STX18: variants seen among roughly 807,000 people sequenced by gnomAD.
The protein encoded by STX18 is syntaxin 18.
Under a neutral mutation model 50.1 loss-of-function variants are expected in STX18, and 40 were observed. The ratio of observed to expected loss-of-function variants is 0.80; its 90% confidence interval spans 0.62 to 1.04. The LOEUF is 1.04. STX18 is among the 50% of genes least tolerant of loss of function. STX18 has a pLI of 0.00. For synonymous variants in STX18, 158 were observed against 151.8 expected (o/e 1.04, Z -0.30); for missense variants, 410 against 415.8 (o/e 0.99, Z 0.12).
chr4:4,519,398 T>C (rs1730418108), intron 1 of STX18, among the ~76,000 whole-genome samples: 1 of 152,090 alleles, frequency 6.6e-6, no homozygotes, highest in Non-Finnish European at 1.5e-5. Context: ...CTAAAGCTAC[T>C]AACATTTTTG....
At chr4:4,428,216 C>T (rs1725350027) in intron 7 of STX18, among the ~76,000 whole-genome samples, 1 of 152,194 alleles carries the variant, frequency 6.6e-6, no homozygotes. Flanking sequence ...GTTCTGGGGG[C>T]CTTATAGGAA....
intron 7 of STX18, among the ~76,000 whole-genome samples, chr4:4,430,672 C>T (rs1243819114): frequency 6.6e-6 from 1 of 152,144 alleles, no homozygotes; most frequent in Non-Finnish European, 1.5e-5. Context: ...GGAGAGGAGC[C>T]GTACTCTGAC....
At chr4:4,464,066 T>G (rs1727507093) in intron 2 of STX18, among the ~76,000 whole-genome samples, 1 of 152,220 alleles carries the variant, frequency 6.6e-6, no homozygotes, top group Admixed American at 6.5e-5. Flanking sequence ...ATTCTCTATC[T>G]TTGTGACAGG....
Position 4,499,850 on chromosome 4 carries a change from C to T in STX18, c.169-28144G>A, listed in dbSNP as rs545644183. ...ATGTGCGTTCAGTGGGGGGAAATGG[C>T]TTTTCAAATCGACTTTTTTTTTTTC... On this transcript the variant is annotated intron_variant, in intron 1 of 10. Coordinates refer to ENST00000306200, the MANE Select transcript of STX18 (RefSeq NM_016930.4). Among the ~76,000 whole-genome samples the T allele has an allele frequency of 1.6e-3, 238 of 148,242 alleles. 1 individual carries two copies. The highest frequency in any genetic ancestry group is 6.9e-3 in the Middle Eastern group (2 of 288).
At chr4:4,434,700 G>A (rs1468438015) in intron 7 of STX18, 70 bp downstream of exon 7, 2 of 1,314,812 alleles carry the variant, frequency 1.5e-6, no homozygotes, top group African/African-American at 3.0e-5. Flanking sequence ...TTGAGGATGA[G>A]TTTCTCCTTA....
intron 5 of STX18, among the ~76,000 whole-genome samples, chr4:4,444,702 GTTC>G (rs1726297256): frequency 6.6e-6 from 1 of 152,156 alleles, no homozygotes; most frequent in African/African-American, 2.4e-5. Flanking sequence ...AGTTCCATGA[GTTC>G]TTCTAGCAAA....
chr4:4,533,228 T>C (rs1731180057), intron 1 of STX18, among the ~76,000 whole-genome samples: 1 of 152,192 alleles, frequency 6.6e-6, no homozygotes, highest in African/African-American at 2.4e-5. Context: ...TTTAAGTCAA[T>C]ATTAAATGTA....
intron 5 of STX18, among the ~76,000 whole-genome samples, chr4:4,447,639 G>A (rs557579773): frequency 2.3e-5 from 3 of 128,044 alleles, no homozygotes; most frequent in Non-Finnish European, 4.9e-5. Context: ...AAAAAATGGG[G>A]CTCTGACTAT....
intron 1 of STX18, among the ~76,000 whole-genome samples, chr4:4,478,224 C>CAAAAAA (rs71638565): frequency 9.0e-6 from 1 of 110,924 alleles, no homozygotes. Context: ...GAAAGATCGG[C>CAAAAAA]AAAAAAAAAA....
chr4:4,422,620 G>A (rs768140803), intron 9 of STX18, among the ~76,000 whole-genome samples: 5 of 151,772 alleles, frequency 3.3e-5, no homozygotes, highest in African/African-American at 9.7e-5. Flanking sequence ...AGAAACTCCC[G>A]GTGAGCCAAG....
chr4:4,442,249 C>T (rs1053718322), intron 5 of STX18, among the ~76,000 whole-genome samples: 1 of 152,058 alleles, frequency 6.6e-6, no homozygotes, highest in Non-Finnish European at 1.5e-5. Flanking sequence ...TGTTTTCCCT[C>T]TCCCTACACT....
chr4:4,509,791 A>G (rs1247937900), intron 1 of STX18, among the ~76,000 whole-genome samples: 1 of 152,074 alleles, frequency 6.6e-6, no homozygotes, highest in Non-Finnish European at 1.5e-5. Context: ...TACTGAAAAG[A>G]TGACATATAA....
At chr4:4,484,743 C>T (rs1020342359) in intron 1 of STX18, among the ~76,000 whole-genome samples, 2 of 152,214 alleles carry the variant, frequency 1.3e-5, no homozygotes, top group African/African-American at 2.4e-5. Context: ...TGCCTAACAA[C>T]CCAATCCAAA....
chr4:4,425,361 C>T (rs754905854), intron 7 of STX18, 139 bp from the exon 8 acceptor site: 170 of 729,416 alleles, frequency 2.3e-4, no homozygotes, highest in Non-Finnish European at 3.1e-4. Flanking sequence ...CGGTGCTGGA[C>T]GACCGTTAGC....
At chr4:4,534,005 C>T (rs998957372) in intron 1 of STX18, among the ~76,000 whole-genome samples, 2 of 152,174 alleles carry the variant, frequency 1.3e-5, no homozygotes, top group Non-Finnish European at 2.9e-5. Flanking sequence ...CACGGGCCAT[C>T]CTAAGTTTCT....
At chr4:4,429,676 G>T (rs914041248) in intron 7 of STX18, among the ~76,000 whole-genome samples, 5 of 152,190 alleles carry the variant, frequency 3.3e-5, no homozygotes, top group Non-Finnish European at 7.3e-5. Flanking sequence ...GACAGTAGAC[G>T]GACTCTGCCG....
In STX18 at chr4:4,505,598, G is replaced by A. The variant is rs189573701; in HGVS notation, c.169-33892C>T. ...TGTTCGAGACCAGCCTGGCCAACACGGCGAAACTCCATCTCTGCTAAAAAT... is the reference window on the plus strand; with the variant it reads ...TGTTCGAGACCAGCCTGGCCAACACAGCGAAACTCCATCTCTGCTAAAAAT... On this transcript the variant is annotated intron_variant, in intron 1 of 10. Coordinates refer to ENST00000306200, the MANE Select transcript of STX18 (RefSeq NM_016930.4). Among the ~76,000 whole-genome samples, 537 of 151,570 alleles carry A rather than the reference G, an allele frequency of 3.5e-3. 7 individuals carry two copies. The highest frequency in any genetic ancestry group is 0.012 in the African/African-American group (492 of 41,224).
intron 1 of STX18, among the ~76,000 whole-genome samples, chr4:4,497,520 A>G (rs1374838638): frequency 6.6e-6 from 1 of 152,220 alleles, no homozygotes; most frequent in Non-Finnish European, 1.5e-5. Flanking sequence ...ACTGTCCTAC[A>G]AACATTAACT....
At chr4:4,535,371 G>C (rs1731282040) in intron 1 of STX18, among the ~76,000 whole-genome samples, 1 of 152,132 alleles carries the variant, frequency 6.6e-6, no homozygotes, top group Non-Finnish European at 1.5e-5. Flanking sequence ...CCACACAAAG[G>C]ACTCACAATC....
Sources: gnomAD v4.1 joint callset for allele counts (sites outside exome capture counted in the v4.1 genomes callset) on GRCh38, gnomAD v4.1.1 for gene constraint, MANE v1.5 for transcripts, NCBI Gene and HGNC (gene_info 2026-07-23, HGNC 2026-07-21) for gene names.